The following PPM1E variants were observed in gnomAD, a reference collection of about 807,000 sequenced individuals.
PPM1E encodes the protein protein phosphatase, Mg2+/Mn2+ dependent 1E.
A neutral mutation model predicts 65.9 loss-of-function variants in PPM1E; 20 were observed. The ratio of observed to expected loss-of-function variants is 0.30; its 90% CI spans 0.21 to 0.44. The LOEUF (loss-of-function observed/expected upper bound fraction) is 0.44. Among genes scored for constraint, PPM1E ranks in the 20% least tolerant of loss-of-function variants. The pLI is 1.00. For missense variants in PPM1E, 713 were observed against 953.1 expected (o/e 0.75, Z 3.32); for synonymous variants, 352 against 374.9 (o/e 0.94, Z 0.70).
intron 1 of PPM1E, among the ~76,000 whole-genome samples, chr17:58,926,446 A>T (rs2051824826): frequency 6.6e-6 from 1 of 151,824 alleles, no homozygotes; most frequent in Non-Finnish European, 1.5e-5. Flanking sequence ...AACTCCCTTT[A>T]TATTTTTTAA....
chr17:58,969,462 C>T, intron 3 of PPM1E, 77 bp from the exon 4 acceptor site: 1 of 1,405,556 alleles, frequency 7.1e-7, no homozygotes, highest in Non-Finnish European at 1.0e-6. Context: ...GGATGGGCAA[C>T]AATGATGCCA....
chr17:58,825,664 C>A (rs890901776), intron 1 of PPM1E, among the ~76,000 whole-genome samples: 1 of 151,908 alleles, frequency 6.6e-6, no homozygotes, highest in African/African-American at 2.4e-5. Context: ...TCAAGCCCAG[C>A]CTCAGTCTGA....
intron 1 of PPM1E, among the ~76,000 whole-genome samples, chr17:58,821,547 A>T (rs2050480037): frequency 6.6e-6 from 1 of 152,222 alleles, no homozygotes; most frequent in Non-Finnish European, 1.5e-5. Flanking sequence ...CAGAATAATG[A>T]CACATTCTTT....
At chr17:58,945,587 G>C (rs1185542344) in intron 1 of PPM1E, among the ~76,000 whole-genome samples, 1 of 152,124 alleles carries the variant, frequency 6.6e-6, no homozygotes, top group Non-Finnish European at 1.5e-5. Context: ...ACAGGATAAC[G>C]GGCTCAGTCC....
chr17:58,812,645 C>T (rs2050380593), intron 1 of PPM1E, among the ~76,000 whole-genome samples: 1 of 152,172 alleles, frequency 6.6e-6, no homozygotes, highest in South Asian at 2.1e-4. Flanking sequence ...CCTCCTCCTC[C>T]TGGGTTCAAG....
At chr17:58,912,652 A>T (rs2051640076) in intron 1 of PPM1E, among the ~76,000 whole-genome samples, 1 of 152,108 alleles carries the variant, frequency 6.6e-6, no homozygotes, top group African/African-American at 2.4e-5. Context: ...CTCCGAAATG[A>T]TGTGTCTTTT....
At chr17:58,802,903 C>A (rs2050272151) in intron 1 of PPM1E, among the ~76,000 whole-genome samples, 1 of 151,902 alleles carries the variant, frequency 6.6e-6, no homozygotes. Flanking sequence ...TTTGCAGAAT[C>A]ATTTATTAGT....
chr17:58,835,264 C>G (rs1240389329), intron 1 of PPM1E, among the ~76,000 whole-genome samples: 1 of 152,120 alleles, frequency 6.6e-6, no homozygotes, highest in Non-Finnish European at 1.5e-5. Flanking sequence ...TTGATTGAGT[C>G]TGGGAGGTCA....
At chr17:58,894,584 TCTGA>T (rs1265495334) in intron 1 of PPM1E, among the ~76,000 whole-genome samples, 2 of 152,092 alleles carry the variant, frequency 1.3e-5, no homozygotes, top group Non-Finnish European at 2.9e-5. Context: ...TGAAAATAGT[TCTGA>T]CTATTTTCAA....
At chr17:58,946,441 CATTAGAT>C (rs1216033589) in intron 1 of PPM1E, among the ~76,000 whole-genome samples, 1 of 152,086 alleles carries the variant, frequency 6.6e-6, no homozygotes, top group Non-Finnish European at 1.5e-5. Flanking sequence ...ATACCAGTCT[CATTAGAT>C]ATATGATTTG....
At position 58,759,255 on chromosome 17, in the gene PPM1E, CA is replaced by C. The variant is rs550747399; in HGVS notation, c.464+2804del. 1.1e-4 allele frequency among the ~76,000 whole-genome samples: 16 copies of C among 147,996 alleles called. 1 individual carries two copies. The South Asian group carries it at 1.3e-3, about 12-fold the overall frequency. On this transcript the variant is annotated intron_variant, in intron 1 of 6. Transcript: ENST00000308249. ...CCTGAGTGACAGTGAGACGTTGTCTCAAAAAAAAAAGTTACCTACGTTTTAC... is the reference window on the plus strand; with the variant it reads ...CCTGAGTGACAGTGAGACGTTGTCTCAAAAAAAAAGTTACCTACGTTTTAC...
At chr17:58,767,809 A>C (rs945120464) in intron 1 of PPM1E, among the ~76,000 whole-genome samples, 3 of 151,730 alleles carry the variant, frequency 2.0e-5, no homozygotes. Flanking sequence ...CGCTGGGCTA[A>C]TTTTGTATTT....
chr17:58,916,612 C>T (rs780423575), intron 1 of PPM1E, among the ~76,000 whole-genome samples: 17 of 151,998 alleles, frequency 1.1e-4, no homozygotes, highest in South Asian at 4.2e-4. Context: ...AGTGACAGAG[C>T]GAGACCCTAT....
intron 1 of PPM1E, among the ~76,000 whole-genome samples, chr17:58,788,282 C>G (rs1419401002): frequency 6.6e-6 from 1 of 152,068 alleles, no homozygotes; most frequent in Non-Finnish European, 1.5e-5. Flanking sequence ...TACTCTTGAC[C>G]TCAAGTGATC....
intron 1 of PPM1E, among the ~76,000 whole-genome samples, chr17:58,816,015 T>C (rs964010274): frequency 1.2e-4 from 18 of 152,018 alleles, no homozygotes; most frequent in Admixed American, 5.3e-4. Flanking sequence ...ATAGAATGTG[T>C]ATAATATTTC....
intron 1 of PPM1E, among the ~76,000 whole-genome samples, chr17:58,877,048 G>T (rs1398618311): frequency 6.6e-6 from 1 of 152,216 alleles, no homozygotes; most frequent in Non-Finnish European, 1.5e-5. Flanking sequence ...CTCCCAAAGT[G>T]CTGGGATTAC....
chr17:58,934,880 T>C (rs1019410897), intron 1 of PPM1E, among the ~76,000 whole-genome samples: 10 of 149,812 alleles, frequency 6.7e-5, no homozygotes, highest in African/African-American at 2.5e-4. Flanking sequence ...TGAGCCGAGA[T>C]CATGCCATTG....
intron 1 of PPM1E, among the ~76,000 whole-genome samples, chr17:58,909,069 C>T (rs1432422957): frequency 6.6e-6 from 1 of 152,024 alleles, no homozygotes; most frequent in East Asian, 1.9e-4. Flanking sequence ...TTTATCATCA[C>T]TTATTTCTTC....
chr17:58,976,902 A>G (rs920767959), intron 6 of PPM1E, among the ~76,000 whole-genome samples: 1 of 152,238 alleles, frequency 6.6e-6, no homozygotes, highest in Non-Finnish European at 1.5e-5. Context: ...AAAAAATAAT[A>G]ATGATGATAA....
Sources: gnomAD v4.1 joint callset for allele counts (sites outside exome capture counted in the v4.1 genomes callset) on GRCh38, gnomAD v4.1.1 for gene constraint, MANE v1.5 for transcripts, NCBI Gene and HGNC (gene_info 2026-07-23, HGNC 2026-07-21) for gene names.